Variants in TRMT11 observed in about 807,000 individuals in gnomAD.
TRMT11 encodes tRNA methyltransferase 11.
TRMT11 carries 53 observed loss-of-function variants against 62.8 expected under a neutral mutation model. The observed-to-expected ratio is 0.84, with a 90% confidence interval of 0.68 to 1.06. The LOEUF (loss-of-function observed/expected upper bound fraction) is 1.06. Ranked by LOEUF, TRMT11 falls within the 50% of genes least tolerant of loss-of-function variation. The probability of loss-of-function intolerance (pLI) is 0.00; values close to 1 mark genes in which losing one functional copy is unlikely to be tolerated. For missense variants in TRMT11, 556 were observed against 553.4 expected (o/e 1.00, Z -0.05); for synonymous variants, 188 against 190.3 (o/e 0.99, Z 0.10).
intron 17 of TRMT11, among the ~76,000 whole-genome samples, chr6:126,057,397 G>A (rs1348488460): frequency 1.3e-5 from 2 of 152,348 alleles, no homozygotes; most frequent in East Asian, 3.9e-4. Flanking sequence ...GATGAATTAT[G>A]GTGGGATATT....
chr6:126,150,465 G>A (rs1428715149), intron 21 of TRMT11, among the ~76,000 whole-genome samples: 5 of 152,172 alleles, frequency 3.3e-5, no homozygotes, highest in African/African-American at 1.2e-4. Context: ...CCTTATCACA[G>A]TACCTCAATC....
chr6:126,037,171 AG>A (rs1401853165), intron 12 of TRMT11, among the ~76,000 whole-genome samples: 1 of 152,032 alleles, frequency 6.6e-6, no homozygotes, highest in Non-Finnish European at 1.5e-5. Flanking sequence ...ATTGTAATTA[AG>A]GGTGCAGTCT....
At chr6:126,099,059 A>C (rs1007642816) in intron 17 of TRMT11, among the ~76,000 whole-genome samples, 6 of 152,210 alleles carry the variant, frequency 3.9e-5, no homozygotes, top group African/African-American at 1.4e-4. Context: ...TCAGCCTCCC[A>C]CTTTTGGAAG....
chr6:125,989,100 A>T (rs569906976), intron 1 of TRMT11, among the ~76,000 whole-genome samples: 14 of 147,368 alleles, frequency 9.5e-5, no homozygotes, highest in African/African-American at 3.2e-4. Context: ...AAATGTTTTG[A>T]CACCATTCTA....
At chr6:126,079,354 C>T (rs1777107235) in intron 17 of TRMT11, among the ~76,000 whole-genome samples, 1 of 151,976 alleles carries the variant, frequency 6.6e-6, no homozygotes, top group Non-Finnish European at 1.5e-5. Flanking sequence ...ACACTACTGC[C>T]CGTATTTAAT....
chr6:126,231,150 T>C, the TRMT11 span, among the ~76,000 whole-genome samples: 1 of 152,184 alleles, frequency 6.6e-6, no homozygotes, highest in African/African-American at 2.4e-5. Flanking sequence ...GTTGGGTTAT[T>C]TGCAAGATTT....
Position 125,998,168 on chromosome 6 carries a change from C to T in TRMT11, c.294+34C>T, listed in dbSNP as rs774134276. 5.0e-6 allele frequency: 8 copies of T among 1,591,794 alleles called. No homozygotes were observed. The African/African-American group carries it at 5.4e-5, about 11-fold the overall frequency. The stretch of plus-strand genomic sequence containing the variant: ...TAAAATGTGGTTTTATATAGGCATG[C>T]GTGCAGATTCTGTAGAATTAAAATA... On this transcript the variant is annotated intron_variant, in intron 4 of 12. Transcript: ENST00000334379.
chr6:126,111,820 TG>T (rs1178542856), intron 17 of TRMT11, among the ~76,000 whole-genome samples: 1 of 151,512 alleles, frequency 6.6e-6, no homozygotes, highest in Non-Finnish European at 1.5e-5. Context: ...CCCACTTACA[TG>T]AAATCTTCTT....
chr6:126,139,583 G>C (rs1381837633), intron 21 of TRMT11, among the ~76,000 whole-genome samples: 1 of 152,044 alleles, frequency 6.6e-6, no homozygotes, highest in East Asian at 1.9e-4. Flanking sequence ...TGGCCAATCT[G>C]GTCTTGAACT....
chr6:126,142,737 A>G (rs2128216098), intron 21 of TRMT11, among the ~76,000 whole-genome samples: 1 of 152,192 alleles, frequency 6.6e-6, no homozygotes, highest in Non-Finnish European at 1.5e-5. Context: ...ATGTCTATTA[A>G]TTCCTCTTTT....
At chr6:126,176,752 C>A (rs1030440183), upstream of TRMT11, among the ~76,000 whole-genome samples, 1 of 152,074 alleles carries the variant, frequency 6.6e-6, no homozygotes, top group Non-Finnish European at 1.5e-5. Context: ...TAGTTTTTTT[C>A]TATGAAATTA....
the TRMT11 span, among the ~76,000 whole-genome samples, chr6:126,246,866 A>C: frequency 6.6e-6 from 1 of 152,250 alleles, no homozygotes; most frequent in African/African-American, 2.4e-5. Flanking sequence ...AGACACATGC[A>C]AACTATTAAT....
intron 1 of TRMT11, among the ~76,000 whole-genome samples, chr6:126,185,756 C>T (rs1778519695): frequency 6.6e-6 from 1 of 152,140 alleles, no homozygotes; most frequent in South Asian, 2.1e-4. Flanking sequence ...TTAATTGACT[C>T]ACAGTTCTGC....
chr6:126,181,533 T>C (rs1177787029), intron 1 of TRMT11, among the ~76,000 whole-genome samples: 1 of 152,166 alleles, frequency 6.6e-6, no homozygotes, highest in African/African-American at 2.4e-5. Context: ...TTCCTACATA[T>C]CAAAGGGTTT....
intron 17 of TRMT11, among the ~76,000 whole-genome samples, chr6:126,072,923 G>A (rs1776900206): frequency 6.6e-6 from 1 of 152,128 alleles, no homozygotes; most frequent in African/African-American, 2.4e-5. Flanking sequence ...TTCAACATAT[G>A]GATTTTGGTT....
chr6:126,207,774 C>A (rs189892326), downstream of TRMT11, among the ~76,000 whole-genome samples: 1 of 152,192 alleles, frequency 6.6e-6, no homozygotes, highest in East Asian at 1.9e-4. Context: ...GCATGTGACA[C>A]CAAAAGGCTA....
chr6:126,041,531 G>A (rs1161454978), downstream of TRMT11, among the ~76,000 whole-genome samples: 1 of 152,130 alleles, frequency 6.6e-6, no homozygotes, highest in Non-Finnish European at 1.5e-5. Context: ...CTTATCCAAA[G>A]AGATATGGAA....
At chr6:126,194,141 G>A (rs1778637760) in intron 1 of TRMT11, among the ~76,000 whole-genome samples, 1 of 152,130 alleles carries the variant, frequency 6.6e-6, no homozygotes. Context: ...GGATGAAGTG[G>A]TCTGTAAATG....
chr6:126,125,295 G>A (rs943306088), intron 21 of TRMT11, among the ~76,000 whole-genome samples: 2 of 151,930 alleles, frequency 1.3e-5, no homozygotes, highest in African/African-American at 4.8e-5. Flanking sequence ...GAGGAAGTGG[G>A]GGTAAACATG....
Sources: gnomAD v4.1 joint callset for allele counts (sites outside exome capture counted in the v4.1 genomes callset) on GRCh38, gnomAD v4.1.1 for gene constraint, MANE v1.5 for transcripts, NCBI Gene and HGNC (gene_info 2026-07-23, HGNC 2026-07-21) for gene names.